AGO2: variants seen among roughly 807,000 people sequenced by gnomAD.
AGO2 encodes argonaute RISC catalytic component 2.
In AGO2, 5 loss-of-function variants were observed where a neutral mutation model predicts 102.3. The ratio of observed to expected loss-of-function variants is 0.05; its 90% confidence interval spans 0.03 to 0.10. The LOEUF is 0.10. Among genes scored for constraint, AGO2 ranks in the 10% least tolerant of loss-of-function variants. The pLI is 1.00. For missense variants in AGO2, 541 were observed against 1,183.7 expected (o/e 0.46, Z 7.97); for synonymous variants, 449 against 473.1 (o/e 0.95, Z 0.66).
intron 1 of AGO2, among the ~76,000 whole-genome samples, chr8:140,595,755 GTATATACAATTATATTA>G (rs2133039374): frequency 2.2e-5 from 1 of 45,046 alleles, no homozygotes; most frequent in South Asian, 5.9e-4. Flanking sequence ...ATATATAATT[GTATATACAATTATATTA>G]TATACAATTG....
intron 2 of AGO2, among the ~76,000 whole-genome samples, chr8:140,580,617 C>T (rs2073542295): frequency 6.6e-6 from 1 of 152,202 alleles, no homozygotes; most frequent in African/African-American, 2.4e-5. Flanking sequence ...GCCATGTCTG[C>T]CTCAGCCACC....
intron 1 of AGO2, among the ~76,000 whole-genome samples, chr8:140,604,695 C>T (rs140034859): frequency 5.3e-4 from 80 of 152,226 alleles, no homozygotes; most frequent in African/African-American, 1.8e-3. Context: ...GGCGTGGTGG[C>T]GGGTGCCTGT....
intron 1 of AGO2, among the ~76,000 whole-genome samples, chr8:140,588,772 G>A (rs914022507): frequency 8.5e-5 from 13 of 152,256 alleles, no homozygotes; most frequent in Non-Finnish European, 1.0e-4. Flanking sequence ...ATGGCTCCCC[G>A]GGGCCCAGGG....
Position 140,529,013 on chromosome 8 carries a change from T to C in AGO2, c.*3031A>G, listed in dbSNP as rs553987639. 4.6e-5 allele frequency: 7 copies of C among 152,214 alleles called. No homozygotes were observed. In the South Asian group the frequency reaches 8.3e-4, roughly 18 times the overall value. The allele number at this position is 152,214 out of a possible 1,614,324, so 9.4% of individuals were successfully genotyped here. A position where few individuals can be genotyped will look rare whatever the true frequency, so the allele number is the denominator to read the frequency against. On this transcript the variant is annotated 3_prime_UTR_variant, in exon 19 of 19. Coordinates refer to ENST00000220592, the MANE Select transcript of AGO2 (RefSeq NM_012154.5). ...GAAGAGTCCCAGTACAGAAATCGAA[T>C]TGGGAGACCTCTTTTAAAGAGATGA...
rs557272957 is a variant in AGO2 at position 140,525,385 on chromosome 8, G to A, written c.*6659C>T. On this transcript the variant is annotated 3_prime_UTR_variant, in exon 19 of 19. Transcript: ENST00000220592. ...TCTGACAGCCCAAGGCCAGCCCAGCGGACCCAAGCAGCCTGTACCCTGGGC... is the reference window on the plus strand; with the variant it reads ...TCTGACAGCCCAAGGCCAGCCCAGCAGACCCAAGCAGCCTGTACCCTGGGC... 4 of 152,428 alleles carry A rather than the reference G, an allele frequency of 2.6e-5. No homozygotes were observed. Among genetic ancestry groups the A allele is most frequent in the Admixed American group, 6.5e-5 (1 of 15,296 alleles). The allele number at this position is 152,428 out of a possible 1,614,324, so 9.4% of individuals were successfully genotyped here. A position where few individuals can be genotyped will look rare whatever the true frequency, so the allele number is the denominator to read the frequency against.
At chr8:140,579,692 CCTAT>C (rs2073524771) in intron 2 of AGO2, among the ~76,000 whole-genome samples, 1 of 151,790 alleles carries the variant, frequency 6.6e-6, no homozygotes, top group East Asian at 1.9e-4. Context: ...GAGTAGTCAT[CCTAT>C]ACATCTCCTT....
Position 140,531,614 on chromosome 8 carries a change from CTT to C in AGO2, c.*428_*429del, listed in dbSNP as rs2072596023. On this transcript the variant is annotated 3_prime_UTR_variant, in exon 19 of 19. Transcript: ENST00000220592. The stretch of plus-strand genomic sequence containing the variant: ...GAATGTTCAAGGCTTTAAAACCACA[CTT>C]GTGTTTTGTGTTGCTTTCACTCTCA... 1 of 162,614 alleles carries C rather than the reference CTT, an allele frequency of 6.1e-6. No homozygotes were observed. The highest frequency in any genetic ancestry group is 1.4e-5 in the Non-Finnish European group (1 of 73,292). 10.1% of individuals were successfully genotyped at this position (162,614 alleles called of 1,614,324 possible). A position where few individuals can be genotyped will look rare whatever the true frequency, so the allele number is the denominator to read the frequency against.
At chr8:140,572,644 G>T in intron 3 of AGO2, 168 bp downstream of exon 3, 1 of 943,642 alleles carries the variant, frequency 1.1e-6, no homozygotes. Context: ...CCACAACACA[G>T]AGAAGGTAGT....
chr8:140,612,067 C>T (rs1384408844), intron 1 of AGO2, among the ~76,000 whole-genome samples: 2 of 151,750 alleles, frequency 1.3e-5, no homozygotes, highest in Non-Finnish European at 2.9e-5. Flanking sequence ...ACTAAAAATA[C>T]AAAAAATTAG....
At chr8:140,556,959 T>C in intron 8 of AGO2, 130 bp downstream of exon 8, 2 of 1,343,602 alleles carry the variant, frequency 1.5e-6, no homozygotes, top group South Asian at 1.4e-5. Context: ...CCCACCCGCA[T>C]TCCTGCAGCA....
Position 140,560,477 on chromosome 8 carries a change from C to G in AGO2, c.552G>C (p.Ala184=), listed in dbSNP as rs144947708. 1 of 1,614,072 alleles carries G rather than the reference C, an allele frequency of 6.2e-7. No homozygotes were observed. The highest frequency in any genetic ancestry group is 8.5e-7 in the Non-Finnish European group (1 of 1,180,028). The change falls in exon 5 of 19, where the codon GCG becomes GCC. Residue 184 remains alanine, a synonymous_variant. Transcript: ENST00000220592. The part of the protein sequence containing the change: ...YTPVGRSFFT[A]SEGCSNPLGG... ...CAAGAGGGTTAGAGCAGCCTTCGGA[C>G]GCGGTGAAGAAGGAGCGGCCCACGG... is the stretch of plus-strand genomic sequence containing the variant.
At chr8:140,584,039 T>C (rs2133008423) in intron 2 of AGO2, among the ~76,000 whole-genome samples, 1 of 152,044 alleles carries the variant, frequency 6.6e-6, no homozygotes, top group Middle Eastern at 3.4e-3. Flanking sequence ...TCTATCCTAT[T>C]GGTTCTGTCG....
chr8:140,613,697 T>G (rs2074107772), intron 1 of AGO2, among the ~76,000 whole-genome samples: 1 of 152,054 alleles, frequency 6.6e-6, no homozygotes, highest in Admixed American at 6.6e-5. Context: ...ACTGCAGAAA[T>G]TCGGGTCTGG....
intron 2 of AGO2, among the ~76,000 whole-genome samples, chr8:140,575,989 C>CT (rs1031891959): frequency 2.0e-5 from 3 of 152,064 alleles, no homozygotes; most frequent in Admixed American, 6.5e-5. Context: ...TCACCCATCT[C>CT]TTAAAAAAAA....
rs906295367 is a variant in AGO2 at position 140,524,964 on chromosome 8, G to T, written c.*7080C>A. 6.6e-6 allele frequency: 1 copy of T among 152,166 alleles called. No individual in the cohort carries two copies. Among genetic ancestry groups the T allele is most frequent in the African/African-American group, 2.4e-5 (1 of 41,414 alleles). 9.4% of individuals were successfully genotyped at this position (152,166 alleles called of 1,614,324 possible). On this transcript the variant is annotated 3_prime_UTR_variant, in exon 19 of 19. Coordinates refer to ENST00000220592, the MANE Select transcript of AGO2 (RefSeq NM_012154.5). ...ACTTGGGGGAAAGAGTTAATATTTG[G>T]TGTTTTAGCTTTAACTCTGAACTAC... is the stretch of plus-strand genomic sequence containing the variant.
rs2073706632 is a variant in AGO2, at chr8:140,589,003, G to T, written c.23-3692C>A. ...TAATCGGCTTCCTGTGTGAGCAACT[G>T]GGTCACAGGGAACAAAAAATTTCAG... On this transcript the variant is annotated intron_variant, in intron 1 of 18. Coordinates refer to ENST00000220592, the MANE Select transcript of AGO2 (RefSeq NM_012154.5). This position sits in a 1 kb window ranked among gnomAD's most constrained non-coding sequence, Gnocchi z 4.2. Among the ~76,000 whole-genome samples, 1 of 152,240 alleles carries T rather than the reference G, an allele frequency of 6.6e-6. No individual in the cohort carries two copies.
chr8:140,595,882 TATATAATTA>T (rs2073829632), intron 1 of AGO2, among the ~76,000 whole-genome samples: 2 of 118,862 alleles, frequency 1.7e-5, no homozygotes, highest in Non-Finnish European at 3.3e-5. Flanking sequence ...TATTATATAA[TATATAATTA>T]TATATATTAT....
chr8:140,575,277 CACCTCCCT>C (rs2073446615), intron 2 of AGO2, among the ~76,000 whole-genome samples: 4 of 150,534 alleles, frequency 2.7e-5, no homozygotes, highest in Admixed American at 1.3e-4. Context: ...TCTCACCTGG[CACCTCCCT>C]GGCAGCCAGG....
intron 3 of AGO2, among the ~76,000 whole-genome samples, chr8:140,568,193 AG>A (rs779667063): frequency 2.6e-4 from 38 of 146,442 alleles, no homozygotes; most frequent in Non-Finnish European, 1.5e-4. Flanking sequence ...CTGAGGTGGG[AG>A]GCTCACTTGA....
Sources: gnomAD v4.1 joint callset for allele counts (sites outside exome capture counted in the v4.1 genomes callset) on GRCh38, gnomAD v4.1.1 for gene constraint, Gnocchi (gnomAD v3.1) non-coding constraint, MANE v1.5 for transcripts, NCBI Gene and HGNC (gene_info 2026-07-23, HGNC 2026-07-21) for gene names.